CEP152: variants seen among roughly 807,000 people sequenced by gnomAD.
CEP152 encodes centrosomal protein 152.
A neutral mutation model predicts 188.9 loss-of-function variants in CEP152; 132 were observed. That is an observed-to-expected ratio of 0.70 (90% CI 0.61 to 0.81). CEP152 has a LOEUF of 0.81. CEP152 is among the 30% of genes least tolerant of loss of function. CEP152 has a pLI of 0.00. For missense variants in CEP152, 1,914 were observed against 1,969.8 expected, an observed-to-expected ratio of 0.97 and a Z score of 0.54; for synonymous variants, 649 against 666.6, an observed-to-expected ratio of 0.97 and a Z score of 0.41.
At chr15:48,763,882 T>A (rs1226894030) in intron 17 of CEP152, among the ~76,000 whole-genome samples, 1 of 152,206 alleles carries the variant, frequency 6.6e-6, no homozygotes, top group Non-Finnish European at 1.5e-5. Context: ...ATCCATGATA[T>A]GGCTTATTTG....
Position 48,792,818 on chromosome 15 carries a change from G to C in CEP152, c.832+503C>G, listed in dbSNP as rs576127823. Among the ~76,000 whole-genome samples the C allele has an allele frequency of 5.3e-5, 8 of 151,096 alleles. No individual in the cohort carries two copies. The South Asian group carries it at 1.5e-3, about 28-fold the overall frequency. On this transcript the variant is annotated intron_variant, in intron 7 of 26. Coordinates refer to ENST00000380950, the MANE Select transcript of CEP152 (RefSeq NM_001194998.2). ...AAATATAGGGACTCCAAAATAGAGT[G>C]TCTTTTTTTTTTTTTTGAGACAGAG... is the stretch of plus-strand genomic sequence containing the variant.
At chr15:48,761,053 T>C (rs58178717) in intron 18 of CEP152, among the ~76,000 whole-genome samples, 29 of 152,150 alleles carry the variant, frequency 1.9e-4, no homozygotes, top group Admixed American at 1.6e-3. Flanking sequence ...CTGTAGAAAT[T>C]TATCTACTTA....
chr15:48,749,373 C>T (rs985737757), intron 21 of CEP152, among the ~76,000 whole-genome samples: 4 of 151,866 alleles, frequency 2.6e-5, no homozygotes, highest in South Asian at 2.1e-4. Flanking sequence ...GAATCATCAA[C>T]GGTTGCCAAA....
chr15:48,756,475 T>G lies in CEP152; in HGVS notation c.2773A>C (p.Lys925Gln). ...ENMRKNILPG[K>Q]ELEEKIHSLQ... ...GAATGAATCTTCTCTTCCAATTCCT[T>G]TCCAGGAAGTATATTTTTCCTCATA... Residue 925 changes from lysine to glutamine, a missense_variant, in exon 20 of 27, where the codon AAG becomes CAG. By Grantham distance (53) the Lys-to-Gln change is moderately conservative. Transcript: ENST00000380950. The G allele has an allele frequency of 6.2e-7, 1 of 1,613,262 alleles. No individual in the cohort carries two copies. Among genetic ancestry groups the G allele is most frequent in the Non-Finnish European group, 8.5e-7 (1 of 1,179,904 alleles).
chr15:48,744,362 A>C lies in CEP152; in HGVS notation c.3732-19T>G. ...CAATGACCTAAAAAACAAACCAAAG[A>C]TTACAAAAACAGAAATGGTAAGTGA... On this transcript the variant is annotated intron_variant, in intron 23 of 26. Transcript: ENST00000380950. The C allele has an allele frequency of 6.2e-7, 1 of 1,613,992 alleles. No homozygotes were observed. Among genetic ancestry groups the C allele is most frequent in the South Asian group, 1.1e-5 (1 of 91,078 alleles).
intron 5 of CEP152, among the ~76,000 whole-genome samples, chr15:48,796,845 T>C (rs919278797): frequency 1.3e-5 from 2 of 152,150 alleles, no homozygotes; most frequent in Non-Finnish European, 2.9e-5. Flanking sequence ...CACCATACAA[T>C]AGAGATATCA....
intron 19 of CEP152, among the ~76,000 whole-genome samples, chr15:48,759,835 A>C (rs891594910): frequency 2.0e-5 from 3 of 152,218 alleles, no homozygotes; most frequent in African/African-American, 7.2e-5. Flanking sequence ...GTGAAAGGAT[A>C]CTGTATAGCT....
Position 48,769,086 on chromosome 15 carries a change from A to G in CEP152, c.1783-5T>C. 1.2e-6 allele frequency: 2 copies of G among 1,601,108 alleles called. No individual in the cohort carries two copies. The highest frequency in any genetic ancestry group is 4.5e-5 in the East Asian group (2 of 44,640). On this transcript the variant is annotated splice_polypyrimidine_tract_variant and splice_region_variant and intron_variant, in intron 13 of 26. Transcript: ENST00000380950. ...TTCTGAGGTATCTGTTTTAGTCTGA[A>G]TATTAAAAGGTCAAAAGTTTTACAA...
In CEP152 at chr15:48,785,139, T is replaced by C. The variant is rs1433623204; in HGVS notation, c.1174-1019A>G. 3.3e-5 allele frequency among the ~76,000 whole-genome samples: 5 copies of C among 152,196 alleles called. No individual in the cohort carries two copies. In the East Asian group the frequency reaches 9.6e-4, roughly 29 times the overall value. On this transcript the variant is annotated intron_variant, in intron 9 of 26. Transcript: ENST00000380950. ...CCTTAGGCTTTTGCTGCCTGATCTG[T>C]AGTATAACCTAAAGCCCAATAATAC... is the stretch of plus-strand genomic sequence containing the variant.
At chr15:48,799,678 G>T (rs1195741252) in intron 2 of CEP152, among the ~76,000 whole-genome samples, 1 of 152,050 alleles carries the variant, frequency 6.6e-6, no homozygotes, top group Non-Finnish European at 1.5e-5. Context: ...TTGACTGAGA[G>T]ATATAAAAAA....
In CEP152 at chr15:48,772,482, C is replaced by T. The variant is rs918900880; in HGVS notation, c.1782+5G>A. 1 of 1,609,166 alleles carries T rather than the reference C, an allele frequency of 6.2e-7. No homozygotes were observed. The highest frequency in any genetic ancestry group is 8.5e-7 in the Non-Finnish European group (1 of 1,178,256). On this transcript the variant is annotated splice_donor_5th_base_variant and intron_variant, in intron 13 of 26. Coordinates refer to ENST00000380950, the MANE Select transcript of CEP152 (RefSeq NM_001194998.2). ...TGGTTTTTTAACTCTATAGGCTTTA[C>T]ATACCTCAACCTCAATGCTTTTTTC... is the stretch of plus-strand genomic sequence containing the variant.
At chr15:48,809,888 C>G (rs1170537375) in intron 1 of CEP152, among the ~76,000 whole-genome samples, 2 of 152,168 alleles carry the variant, frequency 1.3e-5, no homozygotes, top group Non-Finnish European at 2.9e-5. Flanking sequence ...TGAGAAATGT[C>G]ACTTCTAATA....
At chr15:48,807,276 T>C (rs1464784783) in intron 1 of CEP152, among the ~76,000 whole-genome samples, 4 of 152,204 alleles carry the variant, frequency 2.6e-5, no homozygotes, top group Non-Finnish European at 5.9e-5. Flanking sequence ...ATGAATATGA[T>C]AAAAAGCCTG....
In CEP152 at chr15:48,752,517, C is replaced by A. The variant is rs778522866; in HGVS notation, c.3346-48G>T. ...TTAATGCTTAGTAAAAATCTTTATA[C>A]AATTTTATATTTAAAATGCTAATAT... is the stretch of plus-strand genomic sequence containing the variant. On this transcript the variant is annotated intron_variant, in intron 20 of 26. Transcript: ENST00000380950. 9 of 1,593,582 alleles carry A rather than the reference C, an allele frequency of 5.6e-6. No individual in the cohort carries two copies. In the Admixed American group the frequency reaches 1.4e-4, roughly 24 times the overall value.
chr15:48,756,005 C>A lies in CEP152; in HGVS notation c.3243G>T (p.Trp1081Cys). The A allele has an allele frequency of 6.2e-7, 1 of 1,614,068 alleles. No individual in the cohort carries two copies. Among genetic ancestry groups the A allele is most frequent in the Non-Finnish European group, 8.5e-7 (1 of 1,179,972 alleles). The change falls in exon 20 of 27, where the codon TGG becomes TGT. Residue 1081 changes from tryptophan (W) to cysteine (C), a missense_variant. Transcript: ENST00000380950. Reference sequence around the variant, plus strand: ...GTTTTTCAAAATATTGCACAGACATCCATTTTGAAGAACAAGTCGACATGA... The same window carrying A: ...GTTTTTCAAAATATTGCACAGACATACATTTTGAAGAACAAGTCGACATGA... ...LEIMSTCSSKWMSVQYFEKLK... is the reference protein window; with the variant it reads ...LEIMSTCSSKCMSVQYFEKLK...
At chr15:48,747,862 G>A (rs946621502) in intron 22 of CEP152, among the ~76,000 whole-genome samples, 2 of 152,148 alleles carry the variant, frequency 1.3e-5, no homozygotes, top group Admixed American at 6.6e-5. Flanking sequence ...ACAGCATTGT[G>A]ATGAATGGAC....
At chr15:48,741,370 T>A in intron 26 of CEP152, 1 of 1,349,448 alleles carries the variant, frequency 7.4e-7, no homozygotes, top group South Asian at 1.6e-5. Context: ...ATCTTTTCTA[T>A]CATTTCGAGG....
intron 22 of CEP152, among the ~76,000 whole-genome samples, chr15:48,747,282 T>G (rs558642251): frequency 6.6e-6 from 1 of 152,308 alleles, no homozygotes; most frequent in South Asian, 2.1e-4. Context: ...CCTGGTCTTT[T>G]CTGAATGACA....
chr15:48,798,565 T>C (rs1595698328), intron 2 of CEP152, among the ~76,000 whole-genome samples: 1 of 152,050 alleles, frequency 6.6e-6, no homozygotes, highest in East Asian at 1.9e-4. Context: ...CCCGTGGGAG[T>C]CACTAATTAG....
Sources: allele counts gnomAD v4.1 joint callset (sites outside exome capture counted in the v4.1 genomes callset), GRCh38; gene constraint gnomAD v4.1.1; transcripts MANE v1.5; gene names NCBI Gene and HGNC (gene_info 2026-07-23, HGNC 2026-07-21).